Variants in FRK observed in about 807,000 individuals in gnomAD.
FRK encodes tyrosine-protein kinase FRK.
FRK carries 51 observed loss-of-function variants against 56.4 expected under a neutral mutation model. The ratio of observed to expected loss-of-function variants is 0.90; its 90% CI spans 0.72 to 1.14. FRK has a LOEUF of 1.14. Ranked by LOEUF, FRK falls within the 50% of genes most tolerant of loss-of-function variation. The pLI is 0.00. For missense variants in FRK, 570 were observed against 601.4 expected (o/e 0.95, Z 0.55); for synonymous variants, 245 against 217.9 (o/e 1.12, Z -1.10).
At chr6:116,003,411 C>T (rs1775135988) in intron 2 of FRK, among the ~76,000 whole-genome samples, 2 of 152,196 alleles carry the variant, frequency 1.3e-5, no homozygotes, top group South Asian at 2.1e-4. Flanking sequence ...TGAAAAACTA[C>T]ATTTGACCAA....
chr6:116,061,399 AACACACACACACAC>A (rs3049929), upstream of FRK, among the ~76,000 whole-genome samples: 1 of 146,574 alleles, frequency 6.8e-6, no homozygotes, highest in South Asian at 2.2e-4. Flanking sequence ...CTATTTGGGA[AACACACACACACAC>A]ACACACACAC....
At chr6:116,032,434 G>A (rs1223602497) in intron 1 of FRK, among the ~76,000 whole-genome samples, 1 of 152,002 alleles carries the variant, frequency 6.6e-6, no homozygotes, top group Non-Finnish European at 1.5e-5. Context: ...CCTAAGGAAG[G>A]AGTGATCATT....
chr6:116,060,121 C>T lies in FRK; in HGVS notation c.191G>A (p.Arg64Gln), dbSNP rs761619321. 3.1e-6 allele frequency: 5 copies of T among 1,614,042 alleles called. No homozygotes were observed. Among genetic ancestry groups the T allele is most frequent in the Admixed American group, 3.3e-5 (2 of 60,002 alleles). Residue 64 changes from arginine (R) to glutamine (Q), a missense_variant, in exon 1 of 8, where the codon CGA (arginine) becomes CAA (glutamine). Transcript: ENST00000606080. The stretch of plus-strand genomic sequence containing the variant: ...CAGAACTTGAAGTTTGTCACCTGCT[C>T]GGAAGCTCAAGTCCTCAGCAGTCCG... The part of the protein sequence containing the change: ...QARTAEDLSF[R>Q]AGDKLQVLDT...
chr6:115,982,488 T>A (rs758658033), intron 2 of FRK, among the ~76,000 whole-genome samples: 40 of 152,150 alleles, frequency 2.6e-4, no homozygotes, highest in Non-Finnish European at 5.3e-4. Context: ...AGACTATGTT[T>A]ACTTTTATTT....
chr6:115,945,901 T>C (rs550842427), intron 5 of FRK, among the ~76,000 whole-genome samples: 1 of 152,266 alleles, frequency 6.6e-6, no homozygotes, highest in African/African-American at 2.4e-5. Flanking sequence ...TGATTGTTGT[T>C]AGTAGAGGGG....
intron 1 of FRK, among the ~76,000 whole-genome samples, chr6:116,054,726 T>C (rs932379324): frequency 4.0e-5 from 6 of 151,598 alleles, no homozygotes; most frequent in African/African-American, 1.5e-4. Flanking sequence ...CATTTAGTCT[T>C]CCCTGACAAC....
intron 2 of FRK, among the ~76,000 whole-genome samples, chr6:115,972,616 A>G (rs937068708): frequency 1.3e-5 from 2 of 152,214 alleles, no homozygotes; most frequent in African/African-American, 2.4e-5. Flanking sequence ...ATCCAAGAAC[A>G]GCCATACCTA....
chr6:116,094,906 G>C, the FRK span, among the ~76,000 whole-genome samples: 1 of 152,196 alleles, frequency 6.6e-6, no homozygotes, highest in African/African-American at 2.4e-5. Context: ...GAAAGAAAGA[G>C]AGATGGAAGT....
intron 1 of FRK, among the ~76,000 whole-genome samples, chr6:116,024,354 C>T (rs537697503): frequency 2.0e-5 from 3 of 151,040 alleles, no homozygotes; most frequent in Admixed American, 1.3e-4. Context: ...CATGCTGGTG[C>T]GCTGCACCCA....
intron 5 of FRK, among the ~76,000 whole-genome samples, chr6:115,948,447 A>G (rs769416712): frequency 5.9e-5 from 9 of 152,128 alleles, no homozygotes; most frequent in Non-Finnish European, 1.0e-4. Flanking sequence ...GTGAGATAAT[A>G]AACATTTGCT....
At chr6:116,084,039 T>G in the FRK span, among the ~76,000 whole-genome samples, 1 of 151,964 alleles carries the variant, frequency 6.6e-6, no homozygotes, top group Non-Finnish European at 1.5e-5. Flanking sequence ...AAGATGAGGG[T>G]GAAGGTGGTA....
chr6:115,958,643 G>A lies in FRK; in HGVS notation c.800-2033C>T, dbSNP rs143016886. Among the ~76,000 whole-genome samples the A allele has an allele frequency of 2.3e-3, 88 of 38,102 alleles. 3 individuals are homozygous for A. Among genetic ancestry groups the A allele is most frequent in the Non-Finnish European group, 3.5e-3 (67 of 19,266 alleles). The allele number at this position is 38,102 out of a possible 152,430, so 25.0% of individuals were successfully genotyped here. ...ACTCTGTCTCAAAAAAGGAAAGAAA[G>A]AAAAGAAAGAAAGAAAGAAAGAAAG... On this transcript the variant is annotated intron_variant, in intron 4 of 7. Coordinates refer to ENST00000606080, the MANE Select transcript of FRK (RefSeq NM_002031.3).
chr6:116,006,281 C>CA (rs1322447275), intron 1 of FRK, among the ~76,000 whole-genome samples: 1 of 152,142 alleles, frequency 6.6e-6, no homozygotes, highest in African/African-American at 2.4e-5. Context: ...ATGACAGGAA[C>CA]ACGGCCTCTA....
At position 115,996,839 on chromosome 6, in the gene FRK, T is replaced by C. The variant is rs140010465; in HGVS notation, c.466+7038A>G. 2.1e-4 allele frequency among the ~76,000 whole-genome samples: 32 copies of C among 152,288 alleles called. 1 individual carries two copies. In the East Asian group the frequency reaches 5.8e-3, roughly 27 times the overall value. On this transcript the variant is annotated intron_variant, in intron 2 of 7. Coordinates refer to ENST00000606080, the MANE Select transcript of FRK (RefSeq NM_002031.3). ...CCTACAATGAAAAAGCCACTCAAAT[T>C]TAAATAAGTCTTTTAATTTGTAAGT... is the stretch of plus-strand genomic sequence containing the variant.
At chr6:116,076,510 C>T in the FRK span, among the ~76,000 whole-genome samples, 5 of 152,064 alleles carry the variant, frequency 3.3e-5, no homozygotes, top group African/African-American at 1.2e-4. Context: ...TCATCCATTT[C>T]AGCCCTTGTA....
At chr6:116,068,952 T>A in the FRK span, among the ~76,000 whole-genome samples, 1 of 152,136 alleles carries the variant, frequency 6.6e-6, no homozygotes, top group Non-Finnish European at 1.5e-5. Flanking sequence ...TCTAGCAATA[T>A]CCGCAAATGG....
intron 6 of FRK, among the ~76,000 whole-genome samples, chr6:115,943,686 A>C (rs1357837866): frequency 6.6e-6 from 1 of 152,146 alleles, no homozygotes; most frequent in Non-Finnish European, 1.5e-5. Flanking sequence ...ATTCATGAAG[A>C]TTAAAAGGGA....
At chr6:115,942,727 A>T (rs17077407) in intron 7 of FRK, 102 bp from the exon 8 acceptor site, 41,210 of 1,029,404 alleles carry the variant, frequency 0.04, 1,957 homozygotes, top group Admixed American at 0.2. Flanking sequence ...AAGTAAGTCA[A>T]TTTCTTTGGC....
the FRK span, among the ~76,000 whole-genome samples, chr6:116,070,647 A>G: frequency 4.6e-5 from 7 of 152,228 alleles, no homozygotes; most frequent in African/African-American, 1.2e-4. Flanking sequence ...GTATTTTCCA[A>G]TTAAAAGACA....
Sources: gnomAD v4.1 joint callset for allele counts (sites outside exome capture counted in the v4.1 genomes callset) on GRCh38, gnomAD v4.1.1 for gene constraint, MANE v1.5 for transcripts, NCBI Gene and HGNC (gene_info 2026-07-23, HGNC 2026-07-21) for gene names.